The following BID variants were observed in gnomAD, a reference collection of about 807,000 sequenced individuals.
BID encodes the protein BH3-interacting domain death agonist.
A neutral mutation model predicts 17.4 loss-of-function variants in BID; 19 were observed. The ratio of observed to expected loss-of-function variants is 1.09; its 90% confidence interval spans 0.76 to 1.60. BID has a LOEUF of 1.60. BID is among the 40% of genes most tolerant of loss of function. The pLI, the probability that BID is intolerant of heterozygous loss-of-function variation, is 0.00. For missense variants in BID, 226 were observed against 256.0 expected (o/e 0.88, Z 0.80); for synonymous variants, 108 against 102.8 (o/e 1.05, Z -0.31).
In BID at chr22:17,766,187, T is replaced by C. The variant is rs145343971; in HGVS notation, c.-59+8194A>G. Among the ~76,000 whole-genome samples the C allele has an allele frequency of 5.0e-3, 756 of 152,044 alleles. 6 individuals are homozygous for C. Among genetic ancestry groups the C allele is most frequent in the African/African-American group, 0.017 (711 of 41,480 alleles). On this transcript the variant is annotated intron_variant, in intron 1 of 5. Coordinates refer to ENST00000622694, the MANE Select transcript of BID (RefSeq NM_001196.4). ...CATCCTCCTGCCTCAGCCTCCCAAA[T>C]TGCTAGGATTACAGGTGTGAGCCAC...
intron 5 of BID, 121 bp from the exon 6 acceptor site, chr22:17,735,712 C>T (rs1482541508): frequency 8.4e-7 from 1 of 1,193,712 alleles, no homozygotes; most frequent in Non-Finnish European, 1.2e-6. Flanking sequence ...CTCCAGACCC[C>T]TGAAGTCCTA....
chr22:17,739,601 GC>G, intron 3 of BID, 113 bp from the exon 4 acceptor site: 1 of 1,375,148 alleles, frequency 7.3e-7, no homozygotes, highest in South Asian at 1.4e-5. Context: ...GACAAGGCCA[GC>G]CCCCACTGGG....
intron 4 of BID, 152 bp downstream of exon 4, chr22:17,739,197 C>G: frequency 1.9e-6 from 2 of 1,032,850 alleles, no homozygotes; most frequent in Non-Finnish European, 2.7e-6. Context: ...GGCAATGAAC[C>G]ATACCCTACG....
At chr22:17,753,992 C>T (rs113771474) in intron 1 of BID, among the ~76,000 whole-genome samples, 3 of 151,050 alleles carry the variant, frequency 2.0e-5, no homozygotes, top group African/African-American at 7.4e-5. Flanking sequence ...AGGACTCTGC[C>T]GGACAGGGGT....
chr22:17,743,701 G>T, intron 3 of BID, 102 bp downstream of exon 3: 3 of 1,233,384 alleles, frequency 2.4e-6, no homozygotes, highest in Non-Finnish European at 2.2e-6. Context: ...AACTGCAGAG[G>T]CAGAGTGATC....
At chr22:17,750,230 C>T (rs1601851917) in intron 1 of BID, 56 bp from the exon 2 acceptor site, 2 of 1,499,042 alleles carry the variant, frequency 1.3e-6, no homozygotes, top group African/African-American at 1.4e-5. Flanking sequence ...GGTCAGGACC[C>T]CTCGGGAGGA....
chr22:17,750,549 C>T (rs1354399006), intron 1 of BID, among the ~76,000 whole-genome samples: 1 of 152,222 alleles, frequency 6.6e-6, no homozygotes, highest in Non-Finnish European at 1.5e-5. Flanking sequence ...AATCTTCCGG[C>T]TGGACGCAGT....
chr22:17,735,571 A>C lies in BID; in HGVS notation c.*9T>G. 6.2e-7 allele frequency: 1 copy of C among 1,614,188 alleles called. No individual in the cohort carries two copies. The highest frequency in any genetic ancestry group is 2.2e-5 in the East Asian group (1 of 44,886). ...AGCTTTAGCCAGTCACACTTCTGGA[A>C]CTGTCCGTTCAGTCCATCCCCTAGA... is the stretch of plus-strand genomic sequence containing the variant. On this transcript the variant is annotated 3_prime_UTR_variant, in exon 6 of 6. Transcript: ENST00000622694.
At chr22:17,755,861 T>C (rs1174569601) in intron 1 of BID, among the ~76,000 whole-genome samples, 5 of 151,892 alleles carry the variant, frequency 3.3e-5, no homozygotes, top group Non-Finnish European at 5.9e-5. Context: ...CCTTTTTGGT[T>C]TTTTGTTTGT....
intron 5 of BID, among the ~76,000 whole-genome samples, chr22:17,737,761 G>A (rs2061430177): frequency 6.6e-6 from 1 of 152,218 alleles, no homozygotes; most frequent in African/African-American, 2.4e-5. Flanking sequence ...CCAGGAGTGT[G>A]ACGTGAGCCT....
rs1055698807 is a variant in BID, at chr22:17,738,188, C to A, written c.405G>T (p.Leu135=). 1.2e-6 allele frequency: 2 copies of A among 1,612,540 alleles called. No individual in the cohort carries two copies. The highest frequency in any genetic ancestry group is 1.3e-5 in the African/African-American group (1 of 74,912). Residue 135 remains leucine, a synonymous_variant, in exon 5 of 6, where the codon CTG becomes CTT. Coordinates refer to ENST00000622694, the MANE Select transcript of BID (RefSeq NM_001196.4). ...TCTCCATGTCTCTAGGGTAGGCCTG[C>A]AGCAGCTGCTCCAGGGCAGTGGCCA... The part of the protein sequence containing the change: ...RDLATALEQL[L]QAYPRDMEKE...
At chr22:17,757,687 C>G (rs1156887414) in intron 1 of BID, among the ~76,000 whole-genome samples, 5 of 143,274 alleles carry the variant, frequency 3.5e-5, no homozygotes, top group Non-Finnish European at 7.4e-5. Context: ...CCAGCCTGCG[C>G]GACAGAGCGA....
chr22:17,774,395 G>T lies in BID; in HGVS notation c.-73C>A, dbSNP rs1482126495. On this transcript the variant is annotated 5_prime_UTR_variant, in exon 1 of 6. Transcript: ENST00000622694. ...GGTGCACTCACCACCCTCCAGCCGC[G>T]GGGGCGCGGGCGCGTCCGGGCCGAG... 1 of 236,686 alleles carries T rather than the reference G, an allele frequency of 4.2e-6. No individual in the cohort carries two copies. The highest frequency in any genetic ancestry group is 9.1e-6 in the Non-Finnish European group (1 of 109,736). 14.7% of individuals were successfully genotyped at this position (236,686 alleles called of 1,614,324 possible).
At chr22:17,752,183 T>C (rs1019596867) in intron 1 of BID, among the ~76,000 whole-genome samples, 12 of 152,306 alleles carry the variant, frequency 7.9e-5, no homozygotes, top group Admixed American at 7.8e-4. Flanking sequence ...ACCTTGGCAC[T>C]GTGGTGAGTC....
chr22:17,774,499 C>T (rs1451136585), upstream of BID: 3 of 254,634 alleles, frequency 1.2e-5, no homozygotes, highest in South Asian at 7.1e-5. Context: ...CTCCTTCGGC[C>T]CCCCACGCCC....
At chr22:17,771,000 C>A (rs2061714968) in intron 1 of BID, among the ~76,000 whole-genome samples, 1 of 152,182 alleles carries the variant, frequency 6.6e-6, no homozygotes, top group African/African-American at 2.4e-5. Context: ...CAGAGGCCAC[C>A]CACGGCTTCC....
At chr22:17,754,169 C>T (rs886500508) in intron 1 of BID, among the ~76,000 whole-genome samples, 8 of 141,102 alleles carry the variant, frequency 5.7e-5, no homozygotes, top group African/African-American at 2.2e-4. Flanking sequence ...GACATTCCCC[C>T]AGTCTCCAGG....
intron 1 of BID, among the ~76,000 whole-genome samples, chr22:17,755,255 G>A (rs1423579132): frequency 6.6e-6 from 1 of 151,858 alleles, no homozygotes; most frequent in Admixed American, 6.6e-5. Flanking sequence ...CGCTAATTTA[G>A]GAACATCGTG....
chr22:17,761,723 C>A (rs886750026), intron 1 of BID, among the ~76,000 whole-genome samples: 1 of 152,076 alleles, frequency 6.6e-6, no homozygotes, highest in Non-Finnish European at 1.5e-5. Context: ...CATAAGCCAC[C>A]GCACCCGGCC....
Sources: allele counts gnomAD v4.1 joint callset (sites outside exome capture counted in the v4.1 genomes callset), GRCh38; gene constraint gnomAD v4.1.1; transcripts MANE v1.5; gene names NCBI Gene and HGNC (gene_info 2026-07-23, HGNC 2026-07-21).